Variants in AGO1 observed in about 807,000 individuals in gnomAD.
AGO1 encodes the protein protein argonaute-1.
In AGO1, 11 loss-of-function variants were observed where a neutral mutation model predicts 109.2. The observed-to-expected ratio is 0.10, with a 90% CI of 0.06 to 0.17. The LOEUF is 0.17. Ranked by LOEUF, AGO1 falls within the 10% of genes least tolerant of loss-of-function variation. The pLI is 1.00. For synonymous variants in AGO1, 422 were observed against 418.6 expected (o/e 1.01, Z -0.10); for missense variants, 574 against 1,140.3 (o/e 0.50, Z 7.15).
chr1:35,923,276 T>C lies in AGO1; in HGVS notation c.*3669T>C, dbSNP rs1458613385. ...TCCTATTTAGCTAAGCAGCAGTGTTTTTGGATACTTTTTTTTTCTGTTTGT... is the reference window on the plus strand; with the variant it reads ...TCCTATTTAGCTAAGCAGCAGTGTTCTTGGATACTTTTTTTTTCTGTTTGT... On this transcript the variant is annotated 3_prime_UTR_variant, in exon 19 of 19. Transcript: ENST00000373204. The C allele has an allele frequency of 6.6e-6, 1 of 152,204 alleles. No individual in the cohort carries two copies. The highest frequency in any genetic ancestry group is 1.9e-4 in the East Asian group (1 of 5,198). The allele number at this position is 152,204 out of a possible 1,614,324, so 9.4% of individuals were successfully genotyped here.
upstream of AGO1, chr1:35,883,184 CT>C (rs1441619737): frequency 5.2e-6 from 6 of 1,161,630 alleles, no homozygotes; most frequent in African/African-American, 9.8e-5. This position sits in a 1 kb window ranked among gnomAD's most constrained non-coding sequence, Gnocchi z 5.4. Flanking sequence ...GGTCCGCCCC[CT>C]GGGCCCGGCG....
intron 1 of AGO1, among the ~76,000 whole-genome samples, chr1:35,886,233 A>G (rs754332707): frequency 6.6e-6 from 1 of 152,114 alleles, no homozygotes; most frequent in Non-Finnish European, 1.5e-5. Flanking sequence ...CTGCATCACA[A>G]AGTGGCCGTC....
chr1:35,892,444 A>G lies in AGO1; in HGVS notation c.210-113A>G, dbSNP rs1411886686. ...AGTTTGAGAAGCACTGTCATAGAGT[A>G]GATGTTAGGAGTGAGTATAATAGAT... On this transcript the variant is annotated intron_variant, in intron 2 of 18. Transcript: ENST00000373204. The G allele has an allele frequency of 3.0e-6, 4 of 1,340,526 alleles. No homozygotes were observed. In the East Asian group the frequency reaches 9.2e-5, roughly 31 times the overall value. 83.0% of individuals were successfully genotyped at this position (1,340,526 alleles called of 1,614,324 possible).
At chr1:35,869,762 G>A (rs1385825092), upstream of AGO1, 2 of 152,232 alleles carry the variant, frequency 1.3e-5, no homozygotes, top group Non-Finnish European at 2.9e-5. Flanking sequence ...GGCGTGGGTG[G>A]AGCCAAATGT....
intron 11 of AGO1, among the ~76,000 whole-genome samples, chr1:35,904,611 A>G (rs1176873071): frequency 6.6e-6 from 1 of 152,226 alleles, no homozygotes; most frequent in Non-Finnish European, 1.5e-5. Context: ...CAGTAAACCC[A>G]GAAACTCAAA....
chr1:35,878,207 C>T (rs1645007620), intron 1 of AGO1, among the ~76,000 whole-genome samples: 1 of 151,816 alleles, frequency 6.6e-6, no homozygotes, highest in Non-Finnish European at 1.5e-5. Context: ...CCTCAGCCTC[C>T]CGAGCAGCTG....
At chr1:35,892,826 A>G in intron 3 of AGO1, 149 bp downstream of exon 3, 1 of 1,193,216 alleles carries the variant, frequency 8.4e-7, no homozygotes, top group Non-Finnish European at 1.2e-6. Flanking sequence ...GCTGATGTTT[A>G]TTTAGTCTAT....
rs1287948787 is a variant in AGO1 at position 35,883,222 on chromosome 1, C to T, written c.-200C>T. 6 of 1,220,764 alleles carry T rather than the reference C, an allele frequency of 4.9e-6. No individual in the cohort carries two copies. Among genetic ancestry groups the T allele is most frequent in the Non-Finnish European group, 6.1e-6 (6 of 976,936 alleles). 75.6% of individuals were successfully genotyped at this position (1,220,764 alleles called of 1,614,324 possible). ...TCGCGCCTGCGCACTGGCAGCTGGC[C>T]GGGCGCTCGCAGTGGGAGCTGCTGC... On this transcript the variant is annotated 5_prime_UTR_variant, in exon 1 of 19. Coordinates refer to ENST00000373204, the MANE Select transcript of AGO1 (RefSeq NM_012199.5). The surrounding 1 kb of genome is among the most constrained non-coding windows in gnomAD (Gnocchi z 5.4).
At chr1:35,871,751 T>A (rs2148702222) in intron 1 of AGO1, among the ~76,000 whole-genome samples, 1 of 151,352 alleles carries the variant, frequency 6.6e-6, no homozygotes, top group Middle Eastern at 3.4e-3. Flanking sequence ...GTGAAAGAGC[T>A]GTAAATGACT....
At position 35,872,923 on chromosome 1, in the gene AGO1, G is replaced by A. The variant is rs2791964; in HGVS notation, c.-201+3020G>A. The stretch of plus-strand genomic sequence containing the variant: ...AGTTTTTTTGTTTGTTTGTTTGTTT[G>A]TTTGTTTGTTTTTGTGATGGGGGCC... On this transcript the variant is annotated intron_variant, in intron 1 of 18. Transcript: ENST00000373206. Among the ~76,000 whole-genome samples, 328 of 151,860 alleles carry A rather than the reference G, an allele frequency of 2.2e-3. 2 individuals are homozygous for A. The highest frequency in any genetic ancestry group is 7.4e-3 in the African/African-American group (306 of 41,436).
At chr1:35,911,759 T>C (rs1182852959) in intron 12 of AGO1, among the ~76,000 whole-genome samples, 1 of 152,156 alleles carries the variant, frequency 6.6e-6, no homozygotes, top group East Asian at 1.9e-4. Flanking sequence ...ACAACAATTT[T>C]TGCCTCTATA....
chr1:35,927,456 T>C lies in AGO1; in HGVS notation c.*7849T>C, dbSNP rs577137923. 4 of 152,214 alleles carry C rather than the reference T, an allele frequency of 2.6e-5. No homozygotes were observed. The South Asian group carries it at 8.3e-4, about 32-fold the overall frequency. 9.4% of individuals were successfully genotyped at this position (152,214 alleles called of 1,614,324 possible). A position where few individuals can be genotyped will look rare whatever the true frequency, so the allele number is the denominator to read the frequency against. ...CCTCATGGTCCCAATATGGCTACTG[T>C]AATTCTGGGAAGGAAATGCTGACAG... On this transcript the variant is annotated 3_prime_UTR_variant, in exon 19 of 19. Coordinates refer to ENST00000373204, the MANE Select transcript of AGO1 (RefSeq NM_012199.5).
At chr1:35,887,392 T>TC (rs1235706189) in intron 1 of AGO1, among the ~76,000 whole-genome samples, 1 of 151,834 alleles carries the variant, frequency 6.6e-6, no homozygotes, top group Non-Finnish European at 1.5e-5. Context: ...TTTTCTCTCT[T>TC]CCCCCCAAGC....
rs1251138878 is a variant in AGO1 at position 35,915,413 on chromosome 1, G to C, written c.1899G>C (p.Arg633=). 1 of 1,614,076 alleles carries C rather than the reference G, an allele frequency of 6.2e-7. No homozygotes were observed. The highest frequency in any genetic ancestry group is 8.5e-7 in the Non-Finnish European group (1 of 1,180,022). The part of the protein sequence containing the change: ...YCATVRVQRP[R]QEIIEDLSYM... ...CTACTGTGCGGGTACAGCGACCACG[G>C]CAAGAGATCATTGAAGACTTGTCCT... The change falls in exon 15 of 19, where the codon CGG becomes CGC. Residue 633 remains arginine (R), a synonymous_variant. Transcript: ENST00000373204.
At position 35,921,283 on chromosome 1, in the gene AGO1, C is replaced by CTT. The variant is rs34158936; in HGVS notation, c.*1695_*1696dup. On this transcript the variant is annotated 3_prime_UTR_variant, in exon 19 of 19. Transcript: ENST00000373204. ...AGGGCATGTGGGTGGGTGGCATGGA[C>CTT]TTTTTTTTTTTTTTTTTTTTGTCTT... 2.1e-3 allele frequency: 237 copies of CTT among 113,858 alleles called. 8 individuals carry two copies. The highest frequency in any genetic ancestry group is 8.9e-3 in the East Asian group (32 of 3,602). 7.1% of individuals were successfully genotyped at this position (113,858 alleles called of 1,614,324 possible). A position where few individuals can be genotyped will look rare whatever the true frequency, so the allele number is the denominator to read the frequency against.
At chr1:35,906,837 G>A (rs1278582117) in intron 11 of AGO1, 98 bp from the exon 12 acceptor site, 4 of 931,996 alleles carry the variant, frequency 4.3e-6, no homozygotes, top group Non-Finnish European at 6.4e-6. Context: ...CAATCTCTCA[G>A]TGCCTCTTAT....
intron 1 of AGO1, among the ~76,000 whole-genome samples, chr1:35,877,943 G>A (rs1411146008): frequency 6.6e-6 from 1 of 151,840 alleles, no homozygotes; most frequent in Non-Finnish European, 1.5e-5. Context: ...TGCCCACCTC[G>A]CCTTCCCAAA....
upstream of AGO1, among the ~76,000 whole-genome samples, chr1:35,880,054 G>A (rs958245464): frequency 6.6e-6 from 1 of 152,120 alleles, no homozygotes; most frequent in African/African-American, 2.4e-5. Context: ...TTTTTTGAGA[G>A]TTTTTCTGAG....
At chr1:35,907,220 C>T in intron 12 of AGO1, 101 bp downstream of exon 12, 5 of 1,141,674 alleles carry the variant, frequency 4.4e-6, no homozygotes, top group South Asian at 1.9e-5. Flanking sequence ...TTGGCTTTGA[C>T]CAGAGCTGTT....
Sources: allele counts gnomAD v4.1 joint callset (sites outside exome capture counted in the v4.1 genomes callset), GRCh38; gene constraint gnomAD v4.1.1; non-coding constraint Gnocchi (gnomAD v3.1); transcripts MANE v1.5; gene names NCBI Gene and HGNC (gene_info 2026-07-23, HGNC 2026-07-21).